MMP20: variants seen among roughly 807,000 people sequenced by gnomAD.
MMP20 encodes matrix metallopeptidase 20.
In MMP20, 50 loss-of-function variants were observed where a neutral mutation model predicts 51.8. The observed-to-expected ratio is 0.97, with a 90% confidence interval of 0.77 to 1.22. The LOEUF is 1.22. MMP20 is among the 50% of genes most tolerant of loss of function. MMP20 has a pLI of 0.00. For synonymous variants in MMP20, 244 were observed against 216.2 expected (o/e 1.13, Z -1.13); for missense variants, 663 against 601.4 (o/e 1.10, Z -1.07).
intron 8 of MMP20, among the ~76,000 whole-genome samples, chr11:102,591,889 T>G (rs1421312739): frequency 6.6e-6 from 1 of 152,164 alleles, no homozygotes; most frequent in Non-Finnish European, 1.5e-5. Context: ...GGTATATGCT[T>G]TACTGCAGGT....
At chr11:102,612,030 C>T (rs972857411) in intron 2 of MMP20, 127 bp from the exon 3 acceptor site, 7 of 900,024 alleles carry the variant, frequency 7.8e-6, no homozygotes, top group Non-Finnish European at 1.2e-5. Context: ...AATAATAATT[C>T]TTATTTTGCT....
intron 8 of MMP20, among the ~76,000 whole-genome samples, chr11:102,592,113 A>T (rs1859324200): frequency 6.6e-6 from 1 of 152,218 alleles, no homozygotes; most frequent in Admixed American, 6.5e-5. Context: ...GGGGAATTGG[A>T]TTTCTCAATA....
intron 1 of MMP20, among the ~76,000 whole-genome samples, chr11:102,622,022 CAAACCCAGAATAA>C (rs147849499): frequency 0.27 from 41,110 of 151,946 alleles, 5,747 homozygotes; most frequent in Middle Eastern, 0.36. Flanking sequence ...AACAAACAAA[CAAACCCAGAATAA>C]AATCCTGGAT....
intron 5 of MMP20, chr11:102,606,890 C>T: frequency 1.8e-6 from 1 of 570,322 alleles, no homozygotes; most frequent in South Asian, 1.9e-5. Context: ...GCCTCAGCTT[C>T]CTCACTTGTT....
rs12275449 is a variant in MMP20 at position 102,579,432 on chromosome 11, C to T, written c.1248-290G>A. On this transcript the variant is annotated intron_variant, in intron 8 of 9. Coordinates refer to ENST00000260228, the MANE Select transcript of MMP20 (RefSeq NM_004771.4). ...GGCTCAAGCGATCCTCCTGTCTCAG[C>T]CTCCTGAGTAGCTGGGACTACAGGC... Among the ~76,000 whole-genome samples, 12,979 of 151,950 alleles carry T rather than the reference C, an allele frequency of 0.085. 679 individuals carry two copies. The highest frequency in any genetic ancestry group is 0.24 in the East Asian group (1,252 of 5,148).
chr11:102,624,913 T>C (rs925330963), intron 1 of MMP20, among the ~76,000 whole-genome samples: 3 of 152,180 alleles, frequency 2.0e-5, no homozygotes, highest in African/African-American at 7.2e-5. Flanking sequence ...GTTTGCTCCT[T>C]TTATATTGCA....
intron 6 of MMP20, among the ~76,000 whole-genome samples, chr11:102,603,902 C>G (rs1171567400): frequency 1.3e-5 from 2 of 152,194 alleles, no homozygotes; most frequent in Non-Finnish European, 2.9e-5. Flanking sequence ...GCACCAATGT[C>G]TCACTTACTA....
At chr11:102,588,690 T>C (rs530092152) in intron 8 of MMP20, among the ~76,000 whole-genome samples, 3 of 152,390 alleles carry the variant, frequency 2.0e-5, no homozygotes, top group South Asian at 4.1e-4. Flanking sequence ...TGATGCTCTC[T>C]GGATTTTTGT....
chr11:102,586,994 GGTT>G (rs1462469088), intron 8 of MMP20, among the ~76,000 whole-genome samples: 1 of 151,712 alleles, frequency 6.6e-6, no homozygotes, highest in Non-Finnish European at 1.5e-5. Flanking sequence ...TCTTGCTTTA[GGTT>G]TAATATGTTC....
intron 8 of MMP20, among the ~76,000 whole-genome samples, chr11:102,583,073 A>T (rs907192133): frequency 2.6e-5 from 4 of 152,218 alleles, no homozygotes; most frequent in Non-Finnish European, 4.4e-5. Context: ...TCTCACCAGC[A>T]TGTCAAACTC....
At chr11:102,604,341 A>G (rs1859486506) in intron 6 of MMP20, among the ~76,000 whole-genome samples, 1 of 152,208 alleles carries the variant, frequency 6.6e-6, no homozygotes, top group Admixed American at 6.5e-5. Context: ...CATTTGGTGT[A>G]CTTTTTGGTA....
At chr11:102,620,050 T>G (rs1237017288) in intron 1 of MMP20, among the ~76,000 whole-genome samples, 1 of 152,172 alleles carries the variant, frequency 6.6e-6, no homozygotes, top group Non-Finnish European at 1.5e-5. Context: ...ACTTGTCTCA[T>G]TGCACCATAA....
At chr11:102,612,929 G>T (rs1038986873) in intron 2 of MMP20, among the ~76,000 whole-genome samples, 4 of 151,902 alleles carry the variant, frequency 2.6e-5, no homozygotes, top group Non-Finnish European at 5.9e-5. Flanking sequence ...TGGAGACGGG[G>T]TTTCACCATG....
intron 2 of MMP20, among the ~76,000 whole-genome samples, chr11:102,615,228 AAT>A (rs939700570): frequency 4.1e-4 from 60 of 147,326 alleles, no homozygotes; most frequent in African/African-American, 1.4e-3. Flanking sequence ...TTACTACAAA[AAT>A]ATATTTTAAT....
rs115490540 is a variant in MMP20, at chr11:102,624,044, G to A, written c.126+1150C>T. 6.8e-3 allele frequency among the ~76,000 whole-genome samples: 1,033 copies of A among 152,338 alleles called. 18 individuals carry two copies. The highest frequency in any genetic ancestry group is 0.024 in the African/African-American group (981 of 41,572). ...GGCATCAGCTGTGCTGTTCATCTGC[G>A]GGGCTGATATTTAAGTGTTTAATGA... On this transcript the variant is annotated intron_variant, in intron 1 of 9. Coordinates refer to ENST00000260228, the MANE Select transcript of MMP20 (RefSeq NM_004771.4).
chr11:102,583,856 C>T (rs552666279), intron 8 of MMP20, among the ~76,000 whole-genome samples: 1 of 152,174 alleles, frequency 6.6e-6, no homozygotes, highest in Non-Finnish European at 1.5e-5. Flanking sequence ...TTTTAACTTG[C>T]CTATTATGGA....
At position 102,616,798 on chromosome 11, in the gene MMP20, C is replaced by T; in HGVS notation, c.374+14G>A. ...GTGTTTTTCTCTGAATTTGGAAAGA[C>T]TTGATCTCATTACCTGTATGTCAAA... On this transcript the variant is annotated intron_variant, in intron 2 of 9. Coordinates refer to ENST00000260228, the MANE Select transcript of MMP20 (RefSeq NM_004771.4). The T allele has an allele frequency of 6.2e-7, 1 of 1,614,052 alleles. No individual in the cohort carries two copies.
intron 5 of MMP20, 58 bp downstream of exon 5, chr11:102,608,879 C>T (rs1282818676): frequency 1.0e-5 from 16 of 1,556,066 alleles, no homozygotes; most frequent in Admixed American, 5.0e-5. Context: ...TTCTTTAATT[C>T]GGAGACTGAA....
chr11:102,592,030 C>T (rs1435629259), intron 8 of MMP20, among the ~76,000 whole-genome samples: 1 of 152,178 alleles, frequency 6.6e-6, no homozygotes, highest in Non-Finnish European at 1.5e-5. Context: ...ATAATCCTAA[C>T]ATAAACGCCC....
Sources: gnomAD v4.1 joint callset for allele counts (sites outside exome capture counted in the v4.1 genomes callset) on GRCh38, gnomAD v4.1.1 for gene constraint, MANE v1.5 for transcripts, NCBI Gene and HGNC (gene_info 2026-07-23, HGNC 2026-07-21) for gene names.